RXRA: variants seen among roughly 807,000 people sequenced by gnomAD.
RXRA encodes retinoic acid receptor RXR-alpha.
Under a neutral mutation model 44.5 loss-of-function variants are expected in RXRA, and 5 were observed. The observed-to-expected ratio is 0.11, with a 90% CI of 0.06 to 0.24. RXRA has a LOEUF of 0.24. Among genes scored for constraint, RXRA ranks in the 10% least tolerant of loss-of-function variants. The probability of loss-of-function intolerance (pLI) is 1.00; values close to 1 mark genes in which losing one functional copy is unlikely to be tolerated. For synonymous variants in RXRA, 291 were observed against 271.4 expected, an observed-to-expected ratio of 1.07 and a Z score of -0.71; for missense variants, 412 against 646.5, an observed-to-expected ratio of 0.64 and a Z score of 3.93.
intron 2 of RXRA, chr9:134,405,024 G>C (rs1370490182): frequency 6.6e-6 from 1 of 152,354 alleles, no homozygotes; most frequent in East Asian, 1.9e-4. Flanking sequence ...AGCAACAATG[G>C]CAGCCTGGCT....
chr9:134,361,121 C>T (rs761166800), intron 1 of RXRA, among the ~76,000 whole-genome samples: 51 of 152,226 alleles, frequency 3.4e-4, no homozygotes, highest in Non-Finnish European at 1.5e-4. Context: ...GACTGGCGCA[C>T]GTGCCCTGCC....
At chr9:134,394,179 A>ATGT (rs1830842081) in intron 1 of RXRA, among the ~76,000 whole-genome samples, 1 of 78 alleles carries the variant, frequency 0.013, no homozygotes, top group Admixed American at 0.1. Context: ...CATGGTGGTG[A>ATGT]TGATGACTGA....
intron 1 of RXRA, among the ~76,000 whole-genome samples, chr9:134,336,464 C>T (rs1004976091): frequency 1.3e-5 from 2 of 152,214 alleles, no homozygotes; most frequent in East Asian, 1.9e-4. Context: ...CTTCTTCCCT[C>T]TTCGTCTTGA....
chr9:134,339,280 C>T (rs377101107), intron 1 of RXRA, among the ~76,000 whole-genome samples: 6 of 152,274 alleles, frequency 3.9e-5, no homozygotes, highest in African/African-American at 7.2e-5. Flanking sequence ...CCTTCAGGGG[C>T]GCGTCGTCCT....
At chr9:134,378,202 C>T (rs537387430) in intron 1 of RXRA, among the ~76,000 whole-genome samples, 2 of 152,376 alleles carry the variant, frequency 1.3e-5, no homozygotes, top group East Asian at 3.9e-4. Flanking sequence ...GCCAGGCCAC[C>T]CCGGCTGCTT....
chr9:134,392,553 TCTC>T (rs1422447435), intron 1 of RXRA, among the ~76,000 whole-genome samples: 1 of 152,122 alleles, frequency 6.6e-6, no homozygotes, highest in Admixed American at 6.5e-5. Context: ...CCATCACGGC[TCTC>T]CTCTGGCTTC....
intron 4 of RXRA, among the ~76,000 whole-genome samples, chr9:134,412,640 G>GGAC (rs1468097581): frequency 1.3e-5 from 2 of 152,214 alleles, no homozygotes; most frequent in Admixed American, 6.5e-5. Context: ...AGAGGTGGGG[G>GGAC]GACGTGCAGT....
chr9:134,391,753 T>C (rs1244545179), intron 1 of RXRA, among the ~76,000 whole-genome samples: 1 of 152,216 alleles, frequency 6.6e-6, no homozygotes, highest in Non-Finnish European at 1.5e-5. Flanking sequence ...CTGCTGTGTC[T>C]GGCCACCCTG....
chr9:134,382,133 C>G (rs73554164), intron 1 of RXRA, among the ~76,000 whole-genome samples: 23,580 of 143,042 alleles, frequency 0.16, 4,381 homozygotes, highest in African/African-American at 0.46. Flanking sequence ...TGTGGGGGGG[C>G]GCAGGGCAGT....
chr9:134,421,380 T>G (rs913821754), intron 5 of RXRA, among the ~76,000 whole-genome samples: 34 of 152,234 alleles, frequency 2.2e-4, no homozygotes, highest in Non-Finnish European at 1.8e-4. Flanking sequence ...TGATCTCATC[T>G]CTTCCTCTGA....
chr9:134,401,966 G>A, intron 2 of RXRA, 84 bp downstream of exon 2: 2 of 1,157,354 alleles, frequency 1.7e-6, no homozygotes, highest in Non-Finnish European at 2.4e-6. Flanking sequence ...GCCTCATCTT[G>A]AGGCCTCTGG....
intron 1 of RXRA, among the ~76,000 whole-genome samples, chr9:134,333,795 G>C (rs914915828): frequency 2.0e-5 from 3 of 152,194 alleles, no homozygotes; most frequent in Admixed American, 1.3e-4. Flanking sequence ...GGAGTCGCTG[G>C]GGTGGGCTCC....
chr9:134,424,996 C>A (rs1175847139), intron 6 of RXRA: 4 of 985,328 alleles, frequency 4.1e-6, no homozygotes, highest in Non-Finnish European at 4.8e-6. Flanking sequence ...GAGGTCACTT[C>A]CGCTGGGCGA....
In RXRA at chr9:134,417,253, C is replaced by T. The variant is rs146637790; in HGVS notation, c.706C>T (p.Leu236=). Residue 236 remains leucine (L), a synonymous_variant, in exon 5 of 10, where the codon CTG becomes TTG. Transcript: ENST00000481739. This position sits in a 1 kb window ranked among gnomAD's most constrained non-coding sequence, Gnocchi z 6.1. ...ANEDMPVERI[L]EAELAVEPKT... is the part of the protein sequence containing the mutation. ...CGAGGACATGCCGGTGGAGAGGATC[C>T]TGGAGGCTGAGCTGGCCGTGGAGCC... 6.2e-7 allele frequency: 1 copy of T among 1,613,930 alleles called. No homozygotes were observed. Among genetic ancestry groups the T allele is most frequent in the Non-Finnish European group, 8.5e-7 (1 of 1,179,990 alleles).
At chr9:134,416,061 G>A (rs974665814) in intron 4 of RXRA, among the ~76,000 whole-genome samples, 8 of 152,088 alleles carry the variant, frequency 5.3e-5, no homozygotes, top group Non-Finnish European at 1.2e-4. Flanking sequence ...CCCCAGCTCA[G>A]GACTTTCAGG....
At chr9:134,377,216 G>A (rs892597135) in intron 1 of RXRA, among the ~76,000 whole-genome samples, 1 of 152,222 alleles carries the variant, frequency 6.6e-6, no homozygotes, top group African/African-American at 2.4e-5. Flanking sequence ...GGGGGCCTCT[G>A]GCAGTGTTGG....
intron 6 of RXRA, 140 bp downstream of exon 6, chr9:134,421,945 T>TACCTCCCGGGACACTCCC: frequency 6.9e-7 from 1 of 1,455,222 alleles, no homozygotes; most frequent in Non-Finnish European, 9.1e-7. Context: ...GACCCACTCC[T>TACCTCCCGGGACACTCCC]ACCTCCCGGG....
At chr9:134,373,294 G>A (rs553870114) in intron 1 of RXRA, among the ~76,000 whole-genome samples, 6 of 152,238 alleles carry the variant, frequency 3.9e-5, no homozygotes, top group Middle Eastern at 3.4e-3. Context: ...CATGGCCACC[G>A]AGACGCACTG....
chr9:134,345,098 C>T (rs1830134427), intron 1 of RXRA, among the ~76,000 whole-genome samples: 1 of 152,234 alleles, frequency 6.6e-6, no homozygotes, highest in Admixed American at 6.5e-5. Flanking sequence ...CTCCAGCTCT[C>T]TCCAGCTCAG....
Sources: gnomAD v4.1 joint callset for allele counts (sites outside exome capture counted in the v4.1 genomes callset) on GRCh38, gnomAD v4.1.1 for gene constraint, Gnocchi (gnomAD v3.1) non-coding constraint, MANE v1.5 for transcripts, NCBI Gene and HGNC (gene_info 2026-07-23, HGNC 2026-07-21) for gene names.